Variants in PRR14L observed in about 807,000 individuals in gnomAD.
The protein encoded by PRR14L is proline rich 14 like, also known as protein PRR14L.
Under a neutral mutation model 155.0 loss-of-function variants are expected in PRR14L, and 80 were observed. That is an observed-to-expected ratio of 0.52 (90% CI 0.43 to 0.62). The LOEUF (loss-of-function observed/expected upper bound fraction) is 0.62, where lower values mean the gene tolerates loss of function less well. PRR14L is among the 20% of genes least tolerant of loss of function. PRR14L has a pLI of 0.00. For synonymous variants in PRR14L, 883 were observed against 916.0 expected (o/e 0.96, Z 0.65); for missense variants, 2,469 against 2,548.0 (o/e 0.97, Z 0.67).
chr22:31,714,412 A>G lies in PRR14L; in HGVS notation c.3427T>C (p.Cys1143Arg). The change falls in exon 4 of 9, where the codon TGT becomes CGT. Residue 1143 changes from cysteine (C) to arginine (R), a missense_variant. Physicochemically the swap from Cys to Arg is radical, Grantham distance 180. Coordinates refer to ENST00000327423, the MANE Select transcript of PRR14L (RefSeq NM_173566.3). Reference protein sequence around the residue: ...EENVCRSLKDCEMEKCPDSCA... With the variant: ...EENVCRSLKDREMEKCPDSCA... ...GAGTCTGGACACTTTTCCATTTCACAGTCTTTTAAAGATCTGCATACGTTT... is the reference window on the plus strand; with the variant it reads ...GAGTCTGGACACTTTTCCATTTCACGGTCTTTTAAAGATCTGCATACGTTT... The G allele has an allele frequency of 1.9e-6, 3 of 1,551,586 alleles. No individual in the cohort carries two copies. The highest frequency in any genetic ancestry group is 2.6e-6 in the Non-Finnish European group (3 of 1,146,974).
chr22:31,685,848 G>A, intron 8 of PRR14L, 45 bp from the exon 9 acceptor site: 2 of 1,524,288 alleles, frequency 1.3e-6, no homozygotes, highest in Non-Finnish European at 1.8e-6. Context: ...TGACTCACAT[G>A]GCCCATCCTG....
chr22:31,706,428 C>T lies in PRR14L; in HGVS notation c.5757-1702G>A, dbSNP rs550643890. On this transcript the variant is annotated intron_variant, in intron 4 of 8. Transcript: ENST00000327423. ...TAATTCCTTTATAATTAAACTCTTC[C>T]TTTTTCTTTTTTTTGAGACGGAGTC... is the stretch of plus-strand genomic sequence containing the variant. Among the ~76,000 whole-genome samples the T allele has an allele frequency of 4.2e-5, 6 of 142,268 alleles. No individual in the cohort carries two copies. In the South Asian group the frequency reaches 8.6e-4, roughly 20 times the overall value. 93.3% of individuals were successfully genotyped at this position (142,268 alleles called of 152,430 possible).
chr22:31,726,901 T>C (rs1275448104), intron 2 of PRR14L, among the ~76,000 whole-genome samples: 5 of 152,198 alleles, frequency 3.3e-5, no homozygotes, highest in Admixed American at 6.5e-5. Flanking sequence ...ACACCTGTTA[T>C]CCATCCCGTT....
chr22:31,710,231 T>C (rs1177740814), intron 4 of PRR14L, among the ~76,000 whole-genome samples: 2 of 152,074 alleles, frequency 1.3e-5, no homozygotes, highest in Non-Finnish European at 2.9e-5. Flanking sequence ...CATGAGCCAC[T>C]GCGTCCCGCC....
At position 31,714,883 on chromosome 22, in the gene PRR14L, C is replaced by T. The variant is rs1223758113; in HGVS notation, c.2956G>A (p.Gly986Ser). Residue 986 changes from glycine (G) to serine (S), a missense_variant, in exon 4 of 9, where the codon GGT (glycine) becomes AGT (serine). Gly to Ser is a moderately conservative substitution (Grantham distance 56). Around this residue, in one of 2 missense-constraint regions of PRR14L, gnomAD observed 2,363 missense variants for 2,371.6 expected, o/e 1.00. Coordinates refer to ENST00000327423, the MANE Select transcript of PRR14L (RefSeq NM_173566.3). ...QNRPDECKSEGQSAKEMLSSD... is the reference protein window; with the variant it reads ...QNRPDECKSESQSAKEMLSSD... ...CTTAGCATCTCCTTGGCTGACTGAC[C>T]TTCACTTTTGCATTCATCTGGTCTG... 3 of 1,551,832 alleles carry T rather than the reference C, an allele frequency of 1.9e-6. No individual in the cohort carries two copies. The highest frequency in any genetic ancestry group is 2.4e-5 in the South Asian group (2 of 84,070).
chr22:31,712,590 C>T lies in PRR14L; in HGVS notation c.5249G>A (p.Gly1750Glu). The change falls in exon 4 of 9, where the codon GGA (glycine) becomes GAA (glutamate). Residue 1750 changes from glycine to glutamate, a missense_variant. This residue lies in a region of PRR14L where 2,363 missense variants were observed against 2,371.6 expected (regional missense o/e 1.00). Coordinates refer to ENST00000327423, the MANE Select transcript of PRR14L (RefSeq NM_173566.3). ...EHCAPARLALGEALQCPSQPP... is the reference protein window; with the variant it reads ...EHCAPARLALEEALQCPSQPP... ...TTGAGACGGGCACTGGAGGGCCTCT[C>T]CTAAGGCAAGCCTTGCCGGAGCACA... The T allele has an allele frequency of 1.9e-6, 3 of 1,551,708 alleles. No individual in the cohort carries two copies. Among genetic ancestry groups the T allele is most frequent in the Non-Finnish European group, 2.6e-6 (3 of 1,147,002 alleles).
intron 4 of PRR14L, among the ~76,000 whole-genome samples, chr22:31,707,334 C>G (rs2074597501): frequency 1.3e-5 from 2 of 151,388 alleles, no homozygotes; most frequent in Admixed American, 1.3e-4. Flanking sequence ...AAATGAGTAA[C>G]TACCATCTAT....
intron 5 of PRR14L, 30 bp downstream of exon 5, chr22:31,704,625 G>A (rs532761092): frequency 2.1e-5 from 33 of 1,583,092 alleles, no homozygotes; most frequent in African/African-American, 1.1e-4. Flanking sequence ...ACGCACACGC[G>A]CACACACACG....
intron 7 of PRR14L, among the ~76,000 whole-genome samples, chr22:31,691,670 G>A (rs2074512444): frequency 6.6e-6 from 1 of 152,132 alleles, no homozygotes; most frequent in African/African-American, 2.4e-5. Context: ...AGAATGTGCT[G>A]TTTTCATAGT....
Position 31,738,518 on chromosome 22 carries a change from C to G in PRR14L, c.343G>C (p.Glu115Gln). 1 of 1,552,024 alleles carries G rather than the reference C, an allele frequency of 6.4e-7. No homozygotes were observed. The highest frequency in any genetic ancestry group is 2.0e-5 in the Admixed American group (1 of 50,982). The change falls in exon 2 of 9, where the codon GAG becomes CAG. Residue 115 changes from glutamate (E) to glutamine (Q), a missense_variant. Around this residue, in one of 2 missense-constraint regions of PRR14L, gnomAD observed 2,363 missense variants for 2,371.6 expected, o/e 1.00. Transcript: ENST00000327423. ...SGILDRAKRS[E>Q]SMEPKVFRDP... ...CTGAAGACCTTTGGCTCCATGCTCTCGCTTCTCTTTGCCCTATCCAAGATC... is the reference window on the plus strand; with the variant it reads ...CTGAAGACCTTTGGCTCCATGCTCTGGCTTCTCTTTGCCCTATCCAAGATC...
chr22:31,742,355 T>C (rs1010436177), intron 1 of PRR14L, among the ~76,000 whole-genome samples: 4 of 146,958 alleles, frequency 2.7e-5, no homozygotes, highest in Admixed American at 2.7e-4. Context: ...TGAGGATGAC[T>C]CAAAACTCTT....
In PRR14L at chr22:31,713,666, G is replaced by T. The variant is rs1210868113; in HGVS notation, c.4173C>A (p.Ser1391Arg). Residue 1391 changes from serine to arginine, a missense_variant, in exon 4 of 9, where the codon AGC (serine) becomes AGA (arginine). Transcript: ENST00000327423. ...GCAACATGTAGTCCAAAACCTCAGG[G>T]CTCTGCTGTTTTTCAGCATGATTAA... ...GILNHAEKQQ[S>R]PEVLDYMLQK... The T allele has an allele frequency of 1.3e-6, 2 of 1,551,822 alleles. No individual in the cohort carries two copies. Among genetic ancestry groups the T allele is most frequent in the Non-Finnish European group, 1.7e-6 (2 of 1,147,058 alleles).
At chr22:31,749,054 A>C (rs902923603) in intron 1 of PRR14L, among the ~76,000 whole-genome samples, 9 of 152,182 alleles carry the variant, frequency 5.9e-5, no homozygotes, top group African/African-American at 2.2e-4. Flanking sequence ...TTTCTTTTTT[A>C]ACAGATTAAG....
At chr22:31,743,130 G>C (rs762175720) in intron 1 of PRR14L, among the ~76,000 whole-genome samples, 4 of 152,042 alleles carry the variant, frequency 2.6e-5, no homozygotes, top group Admixed American at 6.6e-5. Context: ...GTGACACCCC[G>C]TCTCTACTAA....
At chr22:31,738,995 G>A (rs1390302918) in intron 1 of PRR14L, 84 bp from the exon 2 acceptor site, 8 of 596,390 alleles carry the variant, frequency 1.3e-5, no homozygotes, top group African/African-American at 3.7e-5. Context: ...CGGCTACAAC[G>A]AAGAAAATAA....
At chr22:31,726,718 T>C (rs1404428861) in intron 2 of PRR14L, among the ~76,000 whole-genome samples, 3 of 151,940 alleles carry the variant, frequency 2.0e-5, no homozygotes, top group Non-Finnish European at 4.4e-5. Flanking sequence ...AAAGGGAGAG[T>C]GCCTGAGTTC....
chr22:31,732,153 T>C (rs560184721), intron 2 of PRR14L, among the ~76,000 whole-genome samples: 3 of 152,334 alleles, frequency 2.0e-5, no homozygotes, highest in Non-Finnish European at 2.9e-5. Flanking sequence ...AATAAGCAGA[T>C]ACTTCTATAT....
rs889005169 is a variant in PRR14L, at chr22:31,694,791, A to G, written c.6108-6564T>C. On this transcript the variant is annotated intron_variant, in intron 7 of 8. Transcript: ENST00000327423. ...CAAAAACAGAAAAAAAAAAAGAAAAAGAATACAAAATTAGGCCAGGTGCGG... is the reference window on the plus strand; with the variant it reads ...CAAAAACAGAAAAAAAAAAAGAAAAGGAATACAAAATTAGGCCAGGTGCGG... Among the ~76,000 whole-genome samples the G allele has an allele frequency of 2.0e-5, 3 of 149,154 alleles. No homozygotes were observed. In the Admixed American group the frequency reaches 2.0e-4, roughly 10 times the overall value.
chr22:31,744,552 C>T (rs867824641), intron 1 of PRR14L, among the ~76,000 whole-genome samples: 5 of 152,276 alleles, frequency 3.3e-5, no homozygotes, highest in South Asian at 4.1e-4. Context: ...GAATTACAAG[C>T]GTGAGCCACT....
Sources: allele counts gnomAD v4.1 joint callset (sites outside exome capture counted in the v4.1 genomes callset), GRCh38; gene constraint gnomAD v4.1.1; regional missense constraint gnomAD v4.1.1; transcripts MANE v1.5; gene names NCBI Gene and HGNC (gene_info 2026-07-23, HGNC 2026-07-21).